The following EXOC6B variants were observed in gnomAD, a reference collection of about 807,000 sequenced individuals.
The protein encoded by EXOC6B is SEC15 homolog B.
EXOC6B carries 54 observed loss-of-function variants against 113.5 expected under a neutral mutation model. That is an observed-to-expected ratio of 0.48 (90% CI 0.38 to 0.60). The LOEUF is 0.60. Ranked by LOEUF, EXOC6B falls within the 20% of genes least tolerant of loss-of-function variation. EXOC6B has a pLI of 0.00. For missense variants in EXOC6B, 797 were observed against 977.5 expected (o/e 0.82, Z 2.46); for synonymous variants, 357 against 339.0 (o/e 1.05, Z -0.58).
intron 8 of EXOC6B, among the ~76,000 whole-genome samples, chr2:72,539,819 T>A (rs1702496787): frequency 6.6e-6 from 1 of 152,080 alleles, no homozygotes. Flanking sequence ...TATTATACTT[T>A]AAGTTTTAGG....
At chr2:72,648,597 C>A (rs1048011889) in intron 6 of EXOC6B, among the ~76,000 whole-genome samples, 1 of 151,924 alleles carries the variant, frequency 6.6e-6, no homozygotes, top group African/African-American at 2.4e-5. Context: ...ATACTATGCA[C>A]TCCCATGTTA....
At chr2:72,198,485 G>C (rs1679305135) in intron 20 of EXOC6B, among the ~76,000 whole-genome samples, 1 of 152,180 alleles carries the variant, frequency 6.6e-6, no homozygotes, top group Non-Finnish European at 1.5e-5. Flanking sequence ...AACGTTATTG[G>C]ATCCTTTACA....
intron 6 of EXOC6B, among the ~76,000 whole-genome samples, chr2:72,638,200 G>A (rs1174732039): frequency 6.6e-6 from 1 of 152,080 alleles, no homozygotes; most frequent in African/African-American, 2.4e-5. Flanking sequence ...GAAATTCAAA[G>A]GATCACTAGA....
In EXOC6B at chr2:72,354,511, T is replaced by G. The variant is rs373299426; in HGVS notation, c.2123-19491A>C. 1.4e-4 allele frequency among the ~76,000 whole-genome samples: 22 copies of G among 152,316 alleles called. 2 individuals are homozygous for G. Among genetic ancestry groups the G allele is most frequent in the African/African-American group, 4.6e-4 (19 of 41,584 alleles). On this transcript the variant is annotated intron_variant, in intron 19 of 21. Coordinates refer to ENST00000272427, the MANE Select transcript of EXOC6B (RefSeq NM_015189.3). ...GCCACGATAAGGAGGAACAGGTTGC[T>G]TGCCCCCACTGTTCAGGTTGGCAGC...
At chr2:72,228,179 A>G (rs999889412) in intron 20 of EXOC6B, among the ~76,000 whole-genome samples, 1 of 152,232 alleles carries the variant, frequency 6.6e-6, no homozygotes, top group African/African-American at 2.4e-5. Context: ...ATGGTAGGAC[A>G]TGGAGTTGAC....
chr2:72,825,756 C>G lies in EXOC6B; in HGVS notation c.113+42G>C, dbSNP rs754463271. On this transcript the variant is annotated intron_variant, in intron 1 of 21. Transcript: ENST00000272427. This position sits in a 1 kb window ranked among gnomAD's most constrained non-coding sequence, Gnocchi z 4.4. The stretch of plus-strand genomic sequence containing the variant: ...CCGACCCAGAGGAGCCTGCCCCGTC[C>G]CGCCCGTTCCCGCCCCTCTGTGGTC... 6.3e-7 allele frequency: 1 copy of G among 1,592,494 alleles called. No individual in the cohort carries two copies. The highest frequency in any genetic ancestry group is 8.5e-7 in the Non-Finnish European group (1 of 1,171,636).
chr2:72,363,597 CTGATGATGATGA>C (rs565740332), intron 19 of EXOC6B, among the ~76,000 whole-genome samples: 2 of 151,254 alleles, frequency 1.3e-5, no homozygotes, highest in South Asian at 2.1e-4. Flanking sequence ...ACTGCTGCTA[CTGATGATGATGA>C]TGATGATGAT....
intron 18 of EXOC6B, among the ~76,000 whole-genome samples, chr2:72,415,105 A>C (rs1259509694): frequency 2.0e-5 from 3 of 152,216 alleles, no homozygotes; most frequent in African/African-American, 7.2e-5. Context: ...TTTAAGAAAT[A>C]AAATCAATTG....
chr2:72,344,491 C>A (rs1029390819), intron 19 of EXOC6B, among the ~76,000 whole-genome samples: 2 of 151,168 alleles, frequency 1.3e-5, no homozygotes, highest in African/African-American at 4.9e-5. Flanking sequence ...TTTCCTGTTT[C>A]TTTGTATTCC....
At position 72,280,867 on chromosome 2, in the gene EXOC6B, G is replaced by A. The variant is rs963077673; in HGVS notation, c.2196+54080C>T. 4.6e-5 allele frequency among the ~76,000 whole-genome samples: 7 copies of A among 152,036 alleles called. No homozygotes were observed. The East Asian group carries it at 7.7e-4, about 17-fold the overall frequency. ...AACTCACAGCTGGATAAACAAAAAC[G>A]AGTTTGATGATGCCAGGGGAGCAAG... On this transcript the variant is annotated intron_variant, in intron 20 of 21. Transcript: ENST00000272427.
intron 6 of EXOC6B, among the ~76,000 whole-genome samples, chr2:72,585,773 A>G (rs527526442): frequency 6.6e-6 from 1 of 152,248 alleles, no homozygotes; most frequent in Admixed American, 6.5e-5. Context: ...TGCTAGACCA[A>G]TATCGAGTTC....
chr2:72,810,375 AT>A (rs1351824081), intron 1 of EXOC6B, among the ~76,000 whole-genome samples: 10 of 144,414 alleles, frequency 6.9e-5, no homozygotes, highest in African/African-American at 2.0e-4. Flanking sequence ...AAATAAATAA[AT>A]AAATAAATAA....
chr2:72,551,612 C>T (rs1349036039), intron 8 of EXOC6B, among the ~76,000 whole-genome samples: 1 of 151,736 alleles, frequency 6.6e-6, no homozygotes, highest in Non-Finnish European at 1.5e-5. Context: ...TCACGCCATT[C>T]TCCTGCCTCA....
At chr2:72,264,506 G>T (rs555768696) in intron 20 of EXOC6B, among the ~76,000 whole-genome samples, 1 of 152,152 alleles carries the variant, frequency 6.6e-6, no homozygotes, top group Non-Finnish European at 1.5e-5. Context: ...GGGAGGCAGA[G>T]GCTGCAGTGA....
At chr2:72,303,328 A>G (rs946726981) in intron 20 of EXOC6B, among the ~76,000 whole-genome samples, 2 of 151,948 alleles carry the variant, frequency 1.3e-5, no homozygotes, top group East Asian at 3.9e-4. Flanking sequence ...CCTAAAATGT[A>G]TTTTCCAAGT....
At chr2:72,189,206 C>T (rs890092291) in intron 20 of EXOC6B, among the ~76,000 whole-genome samples, 1 of 151,970 alleles carries the variant, frequency 6.6e-6, no homozygotes, top group Admixed American at 6.6e-5. Flanking sequence ...CTTTAGTTTC[C>T]TTTAATCTGG....
intron 20 of EXOC6B, among the ~76,000 whole-genome samples, chr2:72,252,441 C>G (rs1683081772): frequency 6.6e-6 from 1 of 152,042 alleles, no homozygotes; most frequent in African/African-American, 2.4e-5. Context: ...CCATTGCACT[C>G]CAGCCTGGGT....
intron 16 of EXOC6B, among the ~76,000 whole-genome samples, chr2:72,487,332 C>T (rs909189135): frequency 4.6e-5 from 7 of 151,666 alleles, no homozygotes; most frequent in African/African-American, 1.7e-4. Flanking sequence ...TTTTTGATTA[C>T]ACTGACAGTT....
At chr2:72,428,039 T>C (rs987617765) in intron 18 of EXOC6B, among the ~76,000 whole-genome samples, 4 of 152,124 alleles carry the variant, frequency 2.6e-5, no homozygotes, top group Non-Finnish European at 4.4e-5. Flanking sequence ...GAATACTCCA[T>C]GGAACACCCT....
Sources: gnomAD v4.1 joint callset for allele counts (sites outside exome capture counted in the v4.1 genomes callset) on GRCh38, gnomAD v4.1.1 for gene constraint, Gnocchi (gnomAD v3.1) non-coding constraint, MANE v1.5 for transcripts, NCBI Gene and HGNC (gene_info 2026-07-23, HGNC 2026-07-21) for gene names.